Variants in CFH observed in about 807,000 individuals in gnomAD.
The protein encoded by CFH is H factor 1 (complement).
A neutral mutation model predicts 147.3 loss-of-function variants in CFH; 53 were observed. The observed-to-expected ratio is 0.36, with a 90% CI of 0.29 to 0.45. CFH has a LOEUF of 0.45. CFH is among the 20% of genes least tolerant of loss of function. CFH has a pLI of 1.00. For synonymous variants in CFH, 536 were observed against 489.4 expected, an observed-to-expected ratio of 1.10 and a Z score of -1.26; for missense variants, 1,380 against 1,498.0, an observed-to-expected ratio of 0.92 and a Z score of 1.30.
At chr1:196,715,351 A>C (rs1446676898) in intron 10 of CFH, among the ~76,000 whole-genome samples, 1 of 152,036 alleles carries the variant, frequency 6.6e-6, no homozygotes, top group African/African-American at 2.4e-5. Context: ...AATTAAGAAA[A>C]ATGTTTTTAA....
chr1:196,657,767 T>C (rs1191694369), intron 1 of CFH, among the ~76,000 whole-genome samples: 2 of 152,202 alleles, frequency 1.3e-5, no homozygotes, highest in African/African-American at 2.4e-5. Context: ...AGTTTAGAAG[T>C]AGGCTATTTA....
At chr1:196,746,609 T>C (rs1473895207) in intron 21 of CFH, among the ~76,000 whole-genome samples, 2 of 152,220 alleles carry the variant, frequency 1.3e-5, no homozygotes, top group Admixed American at 6.5e-5. Context: ...ACATTCTTCA[T>C]CACCTATGCT....
rs1653057589 is a variant in CFH, at chr1:196,747,468, C to G, written c.*155C>G. On this transcript the variant is annotated 3_prime_UTR_variant, in exon 22 of 22. Transcript: ENST00000367429. ...ATTATAAGCTGAGACCGGTGGCTCTCTTCTTAAAAGCACCATATTAAATCC... is the reference window on the plus strand; with the variant it reads ...ATTATAAGCTGAGACCGGTGGCTCTGTTCTTAAAAGCACCATATTAAATCC... 5.6e-6 allele frequency: 5 copies of G among 890,754 alleles called. No homozygotes were observed. Among genetic ancestry groups the G allele is most frequent in the Non-Finnish European group, 8.8e-6 (5 of 565,546 alleles). 55.2% of individuals were successfully genotyped at this position (890,754 alleles called of 1,614,324 possible).
Position 196,741,847 on chromosome 1 carries a change from G to A in CFH, c.2957-28G>A, listed in dbSNP as rs749996208. On this transcript the variant is annotated intron_variant, in intron 18 of 21. Coordinates refer to ENST00000367429, the MANE Select transcript of CFH (RefSeq NM_000186.4). ...TGTAACCTATTTTTAAAGATTTGCG[G>A]AACAAATACATATTTTTCCTATTTC... 21 of 1,608,862 alleles carry A rather than the reference G, an allele frequency of 1.3e-5. 1 individual carries two copies. The highest frequency in any genetic ancestry group is 2.7e-5 in the African/African-American group (2 of 74,724).
intron 5 of CFH, 41 bp from the exon 6 acceptor site, chr1:196,679,582 A>G (rs750106833): frequency 6.9e-7 from 1 of 1,439,052 alleles, no homozygotes. Flanking sequence ...CAGTCCTTTA[A>G]TTTGCAATAA....
intron 6 of CFH, 98 bp from the exon 7 acceptor site, chr1:196,684,966 G>A: frequency 1.1e-6 from 1 of 926,582 alleles, no homozygotes; most frequent in Non-Finnish European, 1.7e-6. Context: ...ATTATGCTAA[G>A]GACAAATAAA....
chr1:196,720,593 T>C (rs541726059), intron 11 of CFH, among the ~76,000 whole-genome samples: 1 of 152,140 alleles, frequency 6.6e-6, no homozygotes, highest in East Asian at 1.9e-4. Flanking sequence ...GTTTTATACA[T>C]GTTGCTTCTG....
chr1:196,677,962 AAATGTAGGTTATCTGAC>A (rs1469914855), intron 5 of CFH: 6 of 381,776 alleles, frequency 1.6e-5, no homozygotes, highest in Non-Finnish European at 2.5e-5. Context: ...GTTAGGATTT[AAATGTAGGTTATCTGAC>A]ACCAGAGTCC....
Position 196,665,816 on chromosome 1 carries a change from G to A in CFH, c.59-7162G>A, listed in dbSNP as rs538990040. Reference sequence around the variant, plus strand: ...GAGACGGGGTTTCGACATGTTTGTCGGGCTAGTCTCGAACTCCTGACCTCA... The same window carrying A: ...GAGACGGGGTTTCGACATGTTTGTCAGGCTAGTCTCGAACTCCTGACCTCA... On this transcript the variant is annotated intron_variant, in intron 1 of 21. Coordinates refer to ENST00000367429, the MANE Select transcript of CFH (RefSeq NM_000186.4). Among the ~76,000 whole-genome samples, 15 of 152,102 alleles carry A rather than the reference G, an allele frequency of 9.9e-5. No individual in the cohort carries two copies. The East Asian group carries it at 2.1e-3, about 22-fold the overall frequency.
chr1:196,743,403 C>T, intron 19 of CFH, 49 bp from the exon 20 acceptor site: 1 of 1,607,388 alleles, frequency 6.2e-7, no homozygotes, highest in Non-Finnish European at 8.5e-7. Flanking sequence ...AGTTGATTTG[C>T]TACTCAAAAT....
At chr1:196,667,118 T>A (rs575877145) in intron 1 of CFH, among the ~76,000 whole-genome samples, 1 of 152,344 alleles carries the variant, frequency 6.6e-6, no homozygotes, top group South Asian at 2.1e-4. Flanking sequence ...ATTGCTTACT[T>A]CTTTTATTTC....
intron 1 of CFH, among the ~76,000 whole-genome samples, chr1:196,670,849 T>G (rs1667252492): frequency 6.6e-6 from 1 of 152,192 alleles, no homozygotes. Flanking sequence ...TTCATCAATT[T>G]TGGAAACCTT....
intron 20 of CFH, 23 bp downstream of exon 20, chr1:196,743,651 A>T: frequency 1.9e-6 from 3 of 1,613,734 alleles, no homozygotes; most frequent in Non-Finnish European, 2.5e-6. Flanking sequence ...ATTTCTTTTA[A>T]CATTTTGGGG....
intron 1 of CFH, among the ~76,000 whole-genome samples, chr1:196,669,812 G>A (rs1667217313): frequency 1.3e-5 from 2 of 152,186 alleles, no homozygotes; most frequent in Admixed American, 1.3e-4. Context: ...TGAGAAGAGG[G>A]CCACAGATCC....
chr1:196,738,594 C>G (rs929276430), intron 17 of CFH, among the ~76,000 whole-genome samples: 7 of 152,184 alleles, frequency 4.6e-5, no homozygotes, highest in Non-Finnish European at 8.8e-5. Context: ...AGATTATCTC[C>G]TTTGACTCCA....
chr1:196,745,236 A>C (rs781406474), intron 20 of CFH, among the ~76,000 whole-genome samples: 15 of 152,140 alleles, frequency 9.9e-5, no homozygotes, highest in South Asian at 2.1e-4. Context: ...TTCAGGCATC[A>C]TTTTATTTAT....
At chr1:196,744,932 C>A (rs1161648685) in intron 20 of CFH, among the ~76,000 whole-genome samples, 1 of 151,910 alleles carries the variant, frequency 6.6e-6, no homozygotes, top group Non-Finnish European at 1.5e-5. Flanking sequence ...TGTATTGATC[C>A]CCTTACTTGT....
In CFH at chr1:196,715,715, A is replaced by G; in HGVS notation, c.1642A>G (p.Thr548Ala). 1 of 1,612,746 alleles carries G rather than the reference A, an allele frequency of 6.2e-7. No individual in the cohort carries two copies. Among genetic ancestry groups the G allele is most frequent in the Non-Finnish European group, 8.5e-7 (1 of 1,179,096 alleles). ...TTATGAAAGCAATACTGGAAGCACC[A>G]CTGGTTCCATAGTGTGTGGTTACAA... The part of the protein sequence containing the change: ...DGYESNTGST[T>A]GSIVCGYNGW... The change falls in exon 11 of 22, where the codon ACT (threonine) becomes GCT (alanine). Residue 548 changes from threonine (T) to alanine (A), a missense_variant. Physicochemically the swap from Thr to Ala is moderately conservative, Grantham distance 58. This residue lies in a region of CFH where 830 missense variants were observed against 821.4 expected (regional missense o/e 1.01). Transcript: ENST00000367429.
intron 2 of CFH, chr1:196,673,405 C>T (rs777159907): frequency 5.4e-4 from 260 of 481,534 alleles, no homozygotes; most frequent in Non-Finnish European, 8.0e-4. Context: ...GGCGCTATTT[C>T]GGCTCACTGC....
Sources: gnomAD v4.1 joint callset for allele counts (sites outside exome capture counted in the v4.1 genomes callset) on GRCh38, gnomAD v4.1.1 for gene constraint, gnomAD v4.1.1 regional missense constraint, MANE v1.5 for transcripts, NCBI Gene and HGNC (gene_info 2026-07-23, HGNC 2026-07-21) for gene names.